MME: variants seen among roughly 807,000 people sequenced by gnomAD.
The protein encoded by MME is neprilysin.
MME carries 98 observed loss-of-function variants against 113.2 expected under a neutral mutation model. That is an observed-to-expected ratio of 0.87 (90% CI 0.74 to 1.02). The LOEUF is 1.02. Ranked by LOEUF, MME falls within the 50% of genes least tolerant of loss-of-function variation. The pLI, the probability that MME is intolerant of heterozygous loss-of-function variation, is 0.00. For synonymous variants in MME, 292 were observed against 300.6 expected (o/e 0.97, Z 0.30); for missense variants, 836 against 896.0 (o/e 0.93, Z 0.86).
rs1713300800 is a variant in MME at position 155,183,621 on chromosome 3, C to G, written c.*3162C>G. The G allele has an allele frequency of 6.6e-6, 1 of 152,186 alleles. No homozygotes were observed. The highest frequency in any genetic ancestry group is 2.4e-5 in the African/African-American group (1 of 41,450). The allele number at this position is 152,186 out of a possible 1,614,324, so 9.4% of individuals were successfully genotyped here. On this transcript the variant is annotated 3_prime_UTR_variant, in exon 23 of 23. Coordinates refer to ENST00000360490, the MANE Select transcript of MME (RefSeq NM_007289.4). ...TGTTATTTTGGAAAGAAGAAAGACT[C>G]TATTCTCAAAGTTTCCTAATCAGAA...
chr3:155,099,546 G>A (rs571631046), intron 3 of MME, among the ~76,000 whole-genome samples: 15 of 152,250 alleles, frequency 9.9e-5, no homozygotes, highest in East Asian at 1.9e-4. Context: ...AGCCAGCAGC[G>A]GATTTGTTTC....
intron 3 of MME, chr3:155,085,436 C>G (rs1354594620): frequency 5.8e-6 from 1 of 172,860 alleles, no homozygotes; most frequent in Non-Finnish European, 1.2e-5. Context: ...CTCAGTGCAC[C>G]TCACTAGGTG....
chr3:155,051,457 C>T (rs559549148), intron 1 of MME, among the ~76,000 whole-genome samples: 38 of 152,284 alleles, frequency 2.5e-4, no homozygotes, highest in African/African-American at 8.9e-4. Context: ...AATTGACTCA[C>T]AATTCTGCGT....
chr3:155,080,635 C>A (rs895480524), intron 1 of MME, among the ~76,000 whole-genome samples, 169 bp downstream of exon 1: 3 of 152,010 alleles, frequency 2.0e-5, no homozygotes, highest in Non-Finnish European at 4.4e-5. Context: ...TTGGTCGGTG[C>A]GGGGCTGGTG....
At chr3:155,066,939 A>G (rs1424368324) in intron 1 of MME, among the ~76,000 whole-genome samples, 1 of 152,326 alleles carries the variant, frequency 6.6e-6, no homozygotes, top group East Asian at 1.9e-4. Flanking sequence ...TTATCCTTAT[A>G]TAATAACTCT....
intron 3 of MME, among the ~76,000 whole-genome samples, chr3:155,089,601 G>A (rs1220803077): frequency 3.3e-5 from 5 of 152,142 alleles, no homozygotes; most frequent in Admixed American, 2.0e-4. Context: ...TGGTTTAAAC[G>A]GTCTCAAGAT....
chr3:155,140,274 A>T lies in MME; in HGVS notation c.939A>T (p.Ser313=). ...MTLAQIQNNF[S]LEINGKPFSW... ...TGGCCCAGATCCAAAATAACTTTTCACTAGAGATCAATGGGAAGGTAAGTG... is the reference window on the plus strand; with the variant it reads ...TGGCCCAGATCCAAAATAACTTTTCTCTAGAGATCAATGGGAAGGTAAGTG... Residue 313 remains serine (S), a synonymous_variant, in exon 10 of 23, where the codon TCA becomes TCT. Coordinates refer to ENST00000360490, the MANE Select transcript of MME (RefSeq NM_007289.4). 6.2e-7 allele frequency: 1 copy of T among 1,610,594 alleles called. No homozygotes were observed.
intron 8 of MME, among the ~76,000 whole-genome samples, chr3:155,129,517 T>C (rs1291839365): frequency 6.6e-6 from 1 of 152,128 alleles, no homozygotes; most frequent in Non-Finnish European, 1.5e-5. Flanking sequence ...AATTTTTGTA[T>C]TGTAATATTT....
At chr3:155,034,079 C>T (rs1713055948) in intron 1 of MME, among the ~76,000 whole-genome samples, 1 of 152,144 alleles carries the variant, frequency 6.6e-6, no homozygotes, top group Non-Finnish European at 1.5e-5. Flanking sequence ...AAGACTACCT[C>T]CAAAGTCATT....
At chr3:155,025,297 A>T (rs1255196039) in intron 1 of MME, among the ~76,000 whole-genome samples, 1 of 152,148 alleles carries the variant, frequency 6.6e-6, no homozygotes, top group Non-Finnish European at 1.5e-5. Context: ...TTCTTCTAAA[A>T]TTGGTGTCAG....
In MME at chr3:155,116,857, T is replaced by C. The variant is rs1370028139; in HGVS notation, c.536-11T>C. The C allele has an allele frequency of 1.3e-6, 2 of 1,572,688 alleles. No individual in the cohort carries two copies. The highest frequency in any genetic ancestry group is 2.2e-5 in the South Asian group (2 of 90,014). Reference sequence around the variant, plus strand: ...GCTTCTAAAGATATATTTTATCTTTTATTGCTTTAGGTGCTTCTTGGACAG... The same window carrying C: ...GCTTCTAAAGATATATTTTATCTTTCATTGCTTTAGGTGCTTCTTGGACAG... On this transcript the variant is annotated splice_polypyrimidine_tract_variant and intron_variant, in intron 6 of 22. Coordinates refer to ENST00000360490, the MANE Select transcript of MME (RefSeq NM_007289.4).
chr3:155,078,984 CTTTAG>C (rs1268324145), upstream of MME, among the ~76,000 whole-genome samples: 1 of 152,100 alleles, frequency 6.6e-6, no homozygotes, highest in Non-Finnish European at 1.5e-5. Flanking sequence ...AGCAGACACA[CTTTAG>C]TTTATTTTTC....
chr3:155,049,667 CTA>C (rs1389569541), intron 1 of MME, among the ~76,000 whole-genome samples: 1 of 117,996 alleles, frequency 8.5e-6, no homozygotes, highest in East Asian at 2.4e-4. Context: ...ATCTATCTAT[CTA>C]TCTATATATA....
At chr3:155,047,193 C>T (rs919854657) in intron 1 of MME, among the ~76,000 whole-genome samples, 3 of 152,116 alleles carry the variant, frequency 2.0e-5, no homozygotes. Flanking sequence ...TCCTTTATAC[C>T]ATATTTTCAC....
chr3:155,108,792 C>T (rs1357026853), intron 3 of MME, among the ~76,000 whole-genome samples: 1 of 152,038 alleles, frequency 6.6e-6, no homozygotes, highest in Non-Finnish European at 1.5e-5. Context: ...AAACAAGCCT[C>T]CAGGGAATGC....
chr3:155,079,163 G>A (rs1714895502), upstream of MME, among the ~76,000 whole-genome samples: 1 of 151,968 alleles, frequency 6.6e-6, no homozygotes, highest in Admixed American at 6.6e-5. Flanking sequence ...GAAAGCAGGA[G>A]CAAGGAAGGA....
In MME at chr3:155,116,740, A is replaced by T. The variant is rs201333758; in HGVS notation, c.516A>T (p.Glu172Asp). 47 of 1,613,516 alleles carry T rather than the reference A, an allele frequency of 2.9e-5. No homozygotes were observed. Among genetic ancestry groups the T allele is most frequent in the Non-Finnish European group, 3.8e-5 (45 of 1,179,772 alleles). ...TATATGGGTGGCCAGTAGCAACAGA[A>T]AACTGGGAGCAAAAATATGGTAAGG... Reference protein sequence around the residue: ...PDIYGWPVATENWEQKYGASW... With the variant: ...PDIYGWPVATDNWEQKYGASW... Residue 172 changes from glutamate to aspartate, a missense_variant, in exon 6 of 23, where the codon GAA becomes GAT. Physicochemically the swap from Glu to Asp is conservative, Grantham distance 45. Coordinates refer to ENST00000360490, the MANE Select transcript of MME (RefSeq NM_007289.4).
rs79088668 is a variant in MME, at chr3:155,058,299, T to G, written c.-10-25859T>G. Reference sequence around the variant, plus strand: ...CTCTTCTCAAAAGACAATTAAGCACTGCGTATTTTCTCCTTGAAGGCAATG... The same window carrying G: ...CTCTTCTCAAAAGACAATTAAGCACGGCGTATTTTCTCCTTGAAGGCAATG... On this transcript the variant is annotated intron_variant, in intron 1 of 22. Transcript: ENST00000492661. Among the ~76,000 whole-genome samples the G allele has an allele frequency of 1.8e-3, 268 of 152,294 alleles. 1 individual carries two copies. Among genetic ancestry groups the G allele is most frequent in the African/African-American group, 6.3e-3 (264 of 41,578 alleles).
At chr3:155,082,880 C>A (rs1240782797) in intron 1 of MME, among the ~76,000 whole-genome samples, 1 of 152,140 alleles carries the variant, frequency 6.6e-6, no homozygotes, top group Non-Finnish European at 1.5e-5. Context: ...ACAAAACACA[C>A]CCTTAGAGAA....
Sources: gnomAD v4.1 joint callset for allele counts (sites outside exome capture counted in the v4.1 genomes callset) on GRCh38, gnomAD v4.1.1 for gene constraint, MANE v1.5 for transcripts, NCBI Gene and HGNC (gene_info 2026-07-23, HGNC 2026-07-21) for gene names.